The following FHOD3 variants were observed in gnomAD, a reference collection of about 807,000 sequenced individuals.
The protein encoded by FHOD3 is formin homology 2 domain containing 3.
In FHOD3, 90 loss-of-function variants were observed where a neutral mutation model predicts 173.0. That is an observed-to-expected ratio of 0.52 (90% confidence interval 0.44 to 0.62). The LOEUF (loss-of-function observed/expected upper bound fraction) is 0.62. FHOD3 is among the 20% of genes least tolerant of loss of function. The pLI, the probability that FHOD3 is intolerant of heterozygous loss-of-function variation, is 0.00. For synonymous variants in FHOD3, 828 were observed against 823.0 expected (o/e 1.01, Z -0.10); for missense variants, 1,945 against 2,034.7 (o/e 0.96, Z 0.85).
intron 3 of FHOD3, among the ~76,000 whole-genome samples, chr18:36,451,647 C>T (rs566763094): frequency 3.7e-4 from 56 of 152,262 alleles, no homozygotes; most frequent in Admixed American, 1.3e-3. Flanking sequence ...TCTGCATACC[C>T]GCAGTATTCA....
At chr18:36,355,102 C>G (rs2046299548) in intron 1 of FHOD3, among the ~76,000 whole-genome samples, 1 of 152,198 alleles carries the variant, frequency 6.6e-6, no homozygotes, top group Non-Finnish European at 1.5e-5. Context: ...ACCATAGAAT[C>G]TGAATCAGTA....
At chr18:36,653,254 T>C (rs927152668) in intron 12 of FHOD3, 88 bp from the exon 13 acceptor site, 6 of 1,031,720 alleles carry the variant, frequency 5.8e-6, no homozygotes, top group Non-Finnish European at 7.1e-6. Flanking sequence ...CCAGGTGGCA[T>C]GAAGTCTTTT....
At chr18:36,533,232 A>T (rs2056858996) in intron 5 of FHOD3, among the ~76,000 whole-genome samples, 1 of 152,244 alleles carries the variant, frequency 6.6e-6, no homozygotes, top group Non-Finnish European at 1.5e-5. Flanking sequence ...GCATGATGAA[A>T]GTATCCTCCT....
intron 27 of FHOD3, among the ~76,000 whole-genome samples, chr18:36,766,270 A>G (rs1014751297): frequency 2.0e-5 from 3 of 152,248 alleles, no homozygotes; most frequent in Non-Finnish European, 4.4e-5. Context: ...TTAAAACAGT[A>G]GAATATCCAT....
At chr18:36,408,666 A>T (rs2049189483) in intron 3 of FHOD3, among the ~76,000 whole-genome samples, 1 of 152,170 alleles carries the variant, frequency 6.6e-6, no homozygotes, top group Non-Finnish European at 1.5e-5. Context: ...TTGGACAGCC[A>T]GTGATGGGCA....
chr18:36,385,466 G>A (rs1030085487), intron 3 of FHOD3, among the ~76,000 whole-genome samples: 3 of 151,666 alleles, frequency 2.0e-5, no homozygotes, highest in Admixed American at 6.6e-5. Flanking sequence ...GTGAGATCTC[G>A]GTTCACTGTA....
chr18:36,348,472 G>A (rs1171969205), intron 1 of FHOD3, among the ~76,000 whole-genome samples: 1 of 152,202 alleles, frequency 6.6e-6, no homozygotes. Flanking sequence ...GACTGATGGA[G>A]TCAGAAGGGT....
intron 3 of FHOD3, among the ~76,000 whole-genome samples, chr18:36,431,576 T>C (rs934012819): frequency 3.9e-5 from 6 of 152,214 alleles, no homozygotes; most frequent in Admixed American, 6.5e-5. Context: ...ATTGAAGCTA[T>C]GGCTTCAGTG....
chr18:36,706,958 A>T (rs553504684), intron 17 of FHOD3, among the ~76,000 whole-genome samples: 6 of 152,184 alleles, frequency 3.9e-5, no homozygotes, highest in Non-Finnish European at 7.3e-5. Flanking sequence ...TTGTAAAATT[A>T]ATGGGGTTTT....
intron 18 of FHOD3, among the ~76,000 whole-genome samples, chr18:36,716,667 G>A (rs973407622): frequency 2.6e-5 from 4 of 152,208 alleles, no homozygotes; most frequent in African/African-American, 9.6e-5. Flanking sequence ...AGGGAGGAGG[G>A]AGTGGTTGGC....
intron 5 of FHOD3, among the ~76,000 whole-genome samples, chr18:36,553,557 G>A (rs984451410): frequency 6.6e-6 from 1 of 152,154 alleles, no homozygotes; most frequent in East Asian, 1.9e-4. Flanking sequence ...GAGGGTGTAT[G>A]TGTCAAGGAA....
intron 3 of FHOD3, among the ~76,000 whole-genome samples, chr18:36,420,663 G>C (rs918057714): frequency 6.6e-6 from 1 of 152,176 alleles, no homozygotes; most frequent in Non-Finnish European, 1.5e-5. Context: ...GATTTTTTAA[G>C]AGCAGTGTTT....
chr18:36,461,943 T>C (rs547321542), intron 3 of FHOD3, among the ~76,000 whole-genome samples: 4 of 152,206 alleles, frequency 2.6e-5, no homozygotes, highest in Non-Finnish European at 5.9e-5. Context: ...TCATTTCTTT[T>C]TCAATAAAAT....
intron 14 of FHOD3, among the ~76,000 whole-genome samples, chr18:36,660,058 C>T (rs1489475660): frequency 6.6e-6 from 1 of 152,120 alleles, no homozygotes; most frequent in African/African-American, 2.4e-5. Context: ...ATCACGAGGT[C>T]AGGAGTTTGA....
At chr18:36,592,713 C>T (rs1370786210) in intron 6 of FHOD3, among the ~76,000 whole-genome samples, 1 of 152,090 alleles carries the variant, frequency 6.6e-6, no homozygotes, top group Admixed American at 6.6e-5. Flanking sequence ...GAAGTGCAGG[C>T]AAACCCTTCC....
intron 5 of FHOD3, among the ~76,000 whole-genome samples, chr18:36,533,483 A>G (rs1359234303): frequency 1.3e-5 from 2 of 152,182 alleles, no homozygotes; most frequent in African/African-American, 4.8e-5. Context: ...TTGTCCTCAA[A>G]GTGGATGGTG....
At chr18:36,337,390 A>C (rs1330709268) in intron 1 of FHOD3, among the ~76,000 whole-genome samples, 1 of 152,152 alleles carries the variant, frequency 6.6e-6, no homozygotes, top group East Asian at 1.9e-4. Context: ...ATAATCCTGG[A>C]AGAGGAGTGG....
In FHOD3 at chr18:36,730,708, C is replaced by T; in HGVS notation, c.3480C>T (p.Ala1160=). The T allele has an allele frequency of 6.2e-7, 1 of 1,614,090 alleles. No homozygotes were observed. Among genetic ancestry groups the T allele is most frequent in the Non-Finnish European group, 8.5e-7 (1 of 1,180,000 alleles). ...IIVLDSKRSN[A]INIGLTVLPP... is the part of the protein sequence containing the mutation. Reference sequence around the variant, plus strand: ...TTCTGGATTCCAAGAGGAGTAACGCCATCAATATTGGTCTGACGGTGCTGC... The same window carrying T: ...TTCTGGATTCCAAGAGGAGTAACGCTATCAATATTGGTCTGACGGTGCTGC... Residue 1160 remains alanine (A), a synonymous_variant, in exon 20 of 29, where the codon GCC becomes GCT. Transcript: ENST00000590592.
intron 10 of FHOD3, 38 bp from the exon 11 acceptor site, chr18:36,649,278 T>C (rs1568548570): frequency 6.8e-7 from 1 of 1,481,136 alleles, no homozygotes; most frequent in Non-Finnish European, 9.1e-7. Flanking sequence ...TTTTCCATGT[T>C]GTCTGTGTGC....
Sources: gnomAD v4.1 joint callset for allele counts (sites outside exome capture counted in the v4.1 genomes callset) on GRCh38, gnomAD v4.1.1 for gene constraint, MANE v1.5 for transcripts, NCBI Gene and HGNC (gene_info 2026-07-23, HGNC 2026-07-21) for gene names.